The following OLA1 variants were observed in gnomAD, a reference collection of about 807,000 sequenced individuals.
The protein encoded by OLA1 is Obg like ATPase 1, also known as obg-like ATPase 1.
In OLA1, 14 loss-of-function variants were observed where a neutral mutation model predicts 48.4. The ratio of observed to expected loss-of-function variants is 0.29; its 90% CI spans 0.19 to 0.45. The LOEUF (loss-of-function observed/expected upper bound fraction) is 0.45, where lower values mean the gene tolerates loss of function less well. OLA1 is among the 20% of genes least tolerant of loss of function. The probability of loss-of-function intolerance (pLI) is 1.00; values close to 1 mark genes in which losing one functional copy is unlikely to be tolerated. For synonymous variants in OLA1, 127 were observed against 150.4 expected (o/e 0.84, Z 1.14); for missense variants, 325 against 467.1 (o/e 0.70, Z 2.80).
chr2:174,126,879 C>T (rs2105370119), intron 5 of OLA1, among the ~76,000 whole-genome samples: 1 of 152,240 alleles, frequency 6.6e-6, no homozygotes, highest in South Asian at 2.1e-4. Context: ...GTTCACTAGT[C>T]CTTTTCTTCA....
intron 4 of OLA1, among the ~76,000 whole-genome samples, chr2:174,169,475 G>C (rs1158872723): frequency 6.6e-6 from 1 of 152,106 alleles, no homozygotes; most frequent in East Asian, 1.9e-4. Context: ...TTTTTCATTA[G>C]AAATTAAGGA....
intron 8 of OLA1, among the ~76,000 whole-genome samples, chr2:174,081,540 T>A (rs1187036728): frequency 6.6e-6 from 1 of 152,102 alleles, no homozygotes; most frequent in Non-Finnish European, 1.5e-5. Context: ...TTCCAGGACC[T>A]GGCCATAAAA....
chr2:174,101,431 G>A (rs1410753968), intron 7 of OLA1, among the ~76,000 whole-genome samples: 1 of 152,126 alleles, frequency 6.6e-6, no homozygotes, highest in East Asian at 1.9e-4. Flanking sequence ...CCAGATATTT[G>A]TGTTGTGAAT....
intron 5 of OLA1, among the ~76,000 whole-genome samples, chr2:174,138,269 G>A (rs1352537064): frequency 3.9e-5 from 6 of 152,174 alleles, no homozygotes; most frequent in Non-Finnish European, 8.8e-5. Context: ...AGAAGCCATC[G>A]TAGGGGTATT....
At chr2:174,122,381 T>C (rs1201466827) in intron 7 of OLA1, among the ~76,000 whole-genome samples, 2 of 152,222 alleles carry the variant, frequency 1.3e-5, no homozygotes, top group Non-Finnish European at 2.9e-5. Flanking sequence ...GAATTTTTAA[T>C]GGAAAATTGA....
intron 10 of OLA1, among the ~76,000 whole-genome samples, chr2:174,076,431 CAA>C (rs1303407742): frequency 6.6e-6 from 1 of 152,140 alleles, no homozygotes; most frequent in Non-Finnish European, 1.5e-5. Flanking sequence ...GGGAAATTCT[CAA>C]AAGTTTTTCC....
intron 2 of OLA1, among the ~76,000 whole-genome samples, chr2:174,245,772 T>A (rs1689114398): frequency 1.3e-5 from 2 of 151,520 alleles, no homozygotes; most frequent in Admixed American, 1.3e-4. Context: ...CACATGCCTG[T>A]AATCCCAGCT....
chr2:174,166,517 A>G (rs1687169147), intron 4 of OLA1, among the ~76,000 whole-genome samples: 1 of 152,214 alleles, frequency 6.6e-6, no homozygotes, highest in South Asian at 2.1e-4. Context: ...TTGGCAGCCA[A>G]TTCAAATTCC....
chr2:174,157,077 A>G (rs1481063287), intron 4 of OLA1, among the ~76,000 whole-genome samples: 2 of 152,174 alleles, frequency 1.3e-5, no homozygotes, highest in Non-Finnish European at 2.9e-5. Flanking sequence ...TCTAGTGGGC[A>G]AAAAGAATGA....
intron 4 of OLA1, among the ~76,000 whole-genome samples, chr2:174,178,274 C>T (rs758523661): frequency 1.3e-5 from 2 of 152,040 alleles, no homozygotes; most frequent in South Asian, 2.1e-4. Flanking sequence ...CATAAGCCTA[C>T]GCAAAAGTTA....
At chr2:174,128,681 G>A (rs1265702048) in intron 5 of OLA1, among the ~76,000 whole-genome samples, 1 of 150,636 alleles carries the variant, frequency 6.6e-6, no homozygotes, top group Non-Finnish European at 1.5e-5. Flanking sequence ...AGGTTGCAGT[G>A]AGCCGAGATT....
intron 3 of OLA1, 98 bp downstream of exon 3, chr2:174,229,210 G>T (rs1688676494): frequency 8.1e-7 from 1 of 1,234,808 alleles, no homozygotes; most frequent in Non-Finnish European, 1.2e-6. Context: ...AAACAATAAT[G>T]CTACATTAAT....
intron 7 of OLA1, among the ~76,000 whole-genome samples, chr2:174,105,847 C>T (rs904604710): frequency 3.3e-5 from 5 of 151,924 alleles, no homozygotes; most frequent in Non-Finnish European, 7.4e-5. Context: ...AAAATGAGTA[C>T]GAACCTAGCC....
intron 4 of OLA1, among the ~76,000 whole-genome samples, chr2:174,182,224 C>A (rs67135835): frequency 0.11 from 16,807 of 152,180 alleles, 2,190 homozygotes; most frequent in East Asian, 0.71. Flanking sequence ...AATTTAATTT[C>A]TTTTTAAAAA....
At chr2:174,131,804 C>T (rs1330107909) in intron 5 of OLA1, among the ~76,000 whole-genome samples, 1 of 152,008 alleles carries the variant, frequency 6.6e-6, no homozygotes, top group Non-Finnish European at 1.5e-5. Context: ...TTAGATGCTG[C>T]AAATATCTTC....
intron 4 of OLA1, among the ~76,000 whole-genome samples, chr2:174,221,426 G>A (rs1026361967): frequency 5.3e-5 from 8 of 152,002 alleles, no homozygotes; most frequent in African/African-American, 1.4e-4. Flanking sequence ...CTAACCACAC[G>A]ACAGCCTTAC....
chr2:174,123,991 T>C (rs1031805708), intron 5 of OLA1, among the ~76,000 whole-genome samples: 3 of 152,124 alleles, frequency 2.0e-5, no homozygotes, highest in Admixed American at 6.5e-5. Flanking sequence ...AGTGATGCCA[T>C]ATAGAAGACA....
intron 4 of OLA1, among the ~76,000 whole-genome samples, chr2:174,142,862 T>C (rs1686491671): frequency 6.6e-6 from 1 of 152,158 alleles, no homozygotes. Flanking sequence ...AAAGCAATGA[T>C]ATATCCACCA....
Position 174,079,048 on chromosome 2 carries a change from C to T in OLA1, c.1009G>A (p.Asp337Asn). The T allele has an allele frequency of 6.2e-7, 1 of 1,604,772 alleles. No homozygotes were observed. The highest frequency in any genetic ancestry group is 8.5e-7 in the Non-Finnish European group (1 of 1,175,656). The change falls in exon 10 of 11, where the codon GAT (aspartate) becomes AAT (asparagine). Residue 337 changes from aspartate to asparagine, a missense_variant. Transcript: ENST00000284719. ...APQAAGKIHT[D>N]FEKGFIMAEV... ...GCCATAATGAATCCCTTTTCAAAAT[C>T]TGTGTGAATCTTTCCTGCAGCCTGA...
Sources: allele counts gnomAD v4.1 joint callset (sites outside exome capture counted in the v4.1 genomes callset), GRCh38; gene constraint gnomAD v4.1.1; transcripts MANE v1.5; gene names NCBI Gene and HGNC (gene_info 2026-07-23, HGNC 2026-07-21).